The following HPCAL1 variants were observed in gnomAD, a reference collection of about 807,000 sequenced individuals.
HPCAL1 encodes the protein hippocalcin like 1.
A neutral mutation model predicts 17.1 loss-of-function variants in HPCAL1; 8 were observed. The ratio of observed to expected loss-of-function variants is 0.47; its 90% CI spans 0.27 to 0.84. The LOEUF is 0.84. Ranked by LOEUF, HPCAL1 falls within the 40% of genes least tolerant of loss-of-function variation. The probability of loss-of-function intolerance (pLI) is 0.13; values close to 1 mark genes in which losing one functional copy is unlikely to be tolerated. For synonymous variants in HPCAL1, 112 were observed against 111.4 expected, an observed-to-expected ratio of 1.01 and a Z score of -0.03; for missense variants, 165 against 271.1, an observed-to-expected ratio of 0.61 and a Z score of 2.75.
chr2:10,373,331 C>T (rs1214597538), intron 1 of HPCAL1, among the ~76,000 whole-genome samples: 2 of 152,156 alleles, frequency 1.3e-5, no homozygotes, highest in Admixed American at 1.3e-4. Context: ...AGGGGCAGGG[C>T]CTGGGCCCCC....
intron 1 of HPCAL1, among the ~76,000 whole-genome samples, chr2:10,327,961 C>T (rs1235682887): frequency 6.6e-6 from 1 of 152,198 alleles, no homozygotes; most frequent in Non-Finnish European, 1.5e-5. Context: ...TATAAAGGCG[C>T]ATTAGATTTA....
rs1321818025 is a variant in HPCAL1 at position 10,344,015 on chromosome 2, C to G, written c.-111+40838C>G. On this transcript the variant is annotated intron_variant, in intron 1 of 4. Transcript: ENST00000307845. The surrounding 1 kb of genome is among the most constrained non-coding windows in gnomAD (Gnocchi z 4.9). ...CGGCGGCTGTGTGGTGCATCCTGCA[C>G]AGAGCTGTTGCTTTCTAACTGGGTT... 6.6e-6 allele frequency among the ~76,000 whole-genome samples: 1 copy of G among 152,198 alleles called. No homozygotes were observed. Among genetic ancestry groups the G allele is most frequent in the Non-Finnish European group, 1.5e-5 (1 of 68,038 alleles).
chr2:10,395,037 T>C lies in HPCAL1; in HGVS notation c.-110-1798T>C, dbSNP rs545426883. Among the ~76,000 whole-genome samples, 1 of 151,792 alleles carries C rather than the reference T, an allele frequency of 6.6e-6. No homozygotes were observed. The highest frequency in any genetic ancestry group is 1.9e-4 in the East Asian group (1 of 5,144). ...GTCTCGAACTCCTGGAGTCAAGCAATCCACCTGCCTCAGCTTCCCAGAGTG... is the reference window on the plus strand; with the variant it reads ...GTCTCGAACTCCTGGAGTCAAGCAACCCACCTGCCTCAGCTTCCCAGAGTG... On this transcript the variant is annotated intron_variant, in intron 1 of 4. Transcript: ENST00000307845. This position sits in a 1 kb window ranked among gnomAD's most constrained non-coding sequence, Gnocchi z 4.4.
chr2:10,371,529 T>C (rs371938753), intron 1 of HPCAL1, among the ~76,000 whole-genome samples: 90 of 152,230 alleles, frequency 5.9e-4, no homozygotes, highest in African/African-American at 2.1e-3. Flanking sequence ...TGCAGAGTCC[T>C]GTGTCCTGTT....
rs1670883201 is a variant in HPCAL1, at chr2:10,419,329, G to GC, written c.-24-401dup. Among the ~76,000 whole-genome samples, 2 of 152,206 alleles carry GC rather than the reference G, an allele frequency of 1.3e-5. No homozygotes were observed. Among genetic ancestry groups the GC allele is most frequent in the Admixed American group, 1.3e-4 (2 of 15,280 alleles). On this transcript the variant is annotated intron_variant, in intron 2 of 4. Transcript: ENST00000307845. The surrounding 1 kb of genome is among the most constrained non-coding windows in gnomAD (Gnocchi z 5.0). ...GTGATGCCTGAAAGAGGGAAGAACTGCCCCAAAGAGTCTGGGATGTGGCTG... is the reference window on the plus strand; with the variant it reads ...GTGATGCCTGAAAGAGGGAAGAACTGCCCCCAAAGAGTCTGGGATGTGGCTG...
intron 1 of HPCAL1, among the ~76,000 whole-genome samples, chr2:10,389,746 T>A (rs1668566667): frequency 6.6e-6 from 1 of 152,250 alleles, no homozygotes; most frequent in African/African-American, 2.4e-5. Flanking sequence ...TTTATGGGAC[T>A]CTGTTGTGAC....
rs1410639589 is a variant in HPCAL1 at position 10,310,306 on chromosome 2, G to C, written c.-111+7129G>C. Among the ~76,000 whole-genome samples the C allele has an allele frequency of 1.3e-5, 2 of 152,126 alleles. No homozygotes were observed. The highest frequency in any genetic ancestry group is 2.4e-5 in the African/African-American group (1 of 41,410). ...GTGAGTACCTAGGTGAGTCTGGCTG[G>C]TCACGTGTGGAATAAGTGGTGGTGG... On this transcript the variant is annotated intron_variant, in intron 1 of 4. Coordinates refer to ENST00000307845, the MANE Select transcript of HPCAL1 (RefSeq NM_002149.4). The surrounding 1 kb of genome is among the most constrained non-coding windows in gnomAD (Gnocchi z 4.5).
intron 1 of HPCAL1, among the ~76,000 whole-genome samples, chr2:10,390,984 CCTT>C (rs1558510417): frequency 6.6e-6 from 1 of 152,180 alleles, no homozygotes; most frequent in Non-Finnish European, 1.5e-5. Flanking sequence ...GACTGGATCA[CCTT>C]CTTGAAGGCA....
At chr2:10,314,474 T>C (rs982082710) in intron 1 of HPCAL1, among the ~76,000 whole-genome samples, 2 of 152,214 alleles carry the variant, frequency 1.3e-5, no homozygotes, top group African/African-American at 2.4e-5. Flanking sequence ...GGTGAGTGAC[T>C]GCAGTGGGAT....
intron 1 of HPCAL1, among the ~76,000 whole-genome samples, chr2:10,327,092 C>G (rs924512759): frequency 2.0e-5 from 3 of 152,152 alleles, no homozygotes; most frequent in African/African-American, 4.8e-5. Flanking sequence ...GCGGGGAGTA[C>G]AAGTGCCTCT....
chr2:10,347,011 C>T (rs1407617468), intron 1 of HPCAL1, among the ~76,000 whole-genome samples: 2 of 115,966 alleles, frequency 1.7e-5, no homozygotes, highest in Admixed American at 1.3e-4. Flanking sequence ...CAGAGTGGTG[C>T]GAACTGTTTT....
intron 1 of HPCAL1, among the ~76,000 whole-genome samples, chr2:10,322,341 G>A (rs954335757): frequency 1.1e-4 from 17 of 152,184 alleles, no homozygotes; most frequent in African/African-American, 4.1e-4. Context: ...AAATAGGGTG[G>A]TCAGAGAAGG....
chr2:10,312,496 CCGTCACTAT>C, intron 1 of HPCAL1, among the ~76,000 whole-genome samples: 1 of 151,388 alleles, frequency 6.6e-6, no homozygotes, highest in East Asian at 2.0e-4. Context: ...TCACCATTCA[CCGTCACTAT>C]CATCACTGTC....
intron 1 of HPCAL1, among the ~76,000 whole-genome samples, chr2:10,380,470 A>G (rs1667868251): frequency 6.6e-6 from 1 of 152,162 alleles, no homozygotes. Flanking sequence ...TCTGGGCCAA[A>G]GGCCTCCCCA....
At chr2:10,399,544 T>C (rs76767659) in intron 2 of HPCAL1, among the ~76,000 whole-genome samples, 900 of 19,466 alleles carry the variant, frequency 0.046, 18 homozygotes, top group Middle Eastern at 0.083. Context: ...ACCGCCACCA[T>C]CACCGCCACC....
At chr2:10,389,614 A>G (rs1668557101) in intron 1 of HPCAL1, among the ~76,000 whole-genome samples, 1 of 152,208 alleles carries the variant, frequency 6.6e-6, no homozygotes, top group African/African-American at 2.4e-5. Flanking sequence ...AGTCTATGGT[A>G]ATTTGTTAGA....
intron 1 of HPCAL1, among the ~76,000 whole-genome samples, chr2:10,328,107 T>C (rs1664130893): frequency 1.3e-5 from 2 of 152,246 alleles, no homozygotes; most frequent in Non-Finnish European, 1.5e-5. Context: ...CAGTGGCACA[T>C]GCCTGTGGCA....
intron 1 of HPCAL1, among the ~76,000 whole-genome samples, chr2:10,364,538 A>G (rs1429290634): frequency 6.6e-6 from 1 of 150,902 alleles, no homozygotes; most frequent in Admixed American, 6.6e-5. Context: ...GGTTTCCATG[A>G]ACTTCCCTCC....
At chr2:10,335,503 A>G (rs1229218643) in intron 1 of HPCAL1, among the ~76,000 whole-genome samples, 3 of 152,248 alleles carry the variant, frequency 2.0e-5, no homozygotes, top group Non-Finnish European at 2.9e-5. Flanking sequence ...ACCTTGAGCC[A>G]GATTCCCAGC....
Sources: allele counts gnomAD v4.1 joint callset (sites outside exome capture counted in the v4.1 genomes callset), GRCh38; gene constraint gnomAD v4.1.1; non-coding constraint Gnocchi (gnomAD v3.1); transcripts MANE v1.5; gene names NCBI Gene and HGNC (gene_info 2026-07-23, HGNC 2026-07-21).